Variants in HCRTR2 observed in about 807,000 individuals in gnomAD.
HCRTR2 encodes hypocretin receptor 2.
A neutral mutation model predicts 49.0 loss-of-function variants in HCRTR2; 22 were observed. The observed-to-expected ratio is 0.45, with a 90% CI of 0.32 to 0.64. The LOEUF (loss-of-function observed/expected upper bound fraction) is 0.64, where lower values mean the gene tolerates loss of function less well. HCRTR2 is among the 30% of genes least tolerant of loss of function. The pLI, the probability that HCRTR2 is intolerant of heterozygous loss-of-function variation, is 0.04. For missense variants in HCRTR2, 491 were observed against 559.4 expected (o/e 0.88, Z 1.23); for synonymous variants, 236 against 205.3 (o/e 1.15, Z -1.28).
At chr6:55,255,732 G>A (rs909913537) in intron 3 of HCRTR2, among the ~76,000 whole-genome samples, 1 of 152,078 alleles carries the variant, frequency 6.6e-6, no homozygotes, top group East Asian at 1.9e-4. Context: ...AATGATCCAC[G>A]ATTTATAAGA....
At chr6:55,271,542 T>C (rs185760025) in intron 4 of HCRTR2, among the ~76,000 whole-genome samples, 3 of 152,094 alleles carry the variant, frequency 2.0e-5, no homozygotes, top group African/African-American at 7.2e-5. Flanking sequence ...TTAGACATTA[T>C]CAAAACAAAA....
At chr6:55,185,360 T>G (rs1393281400) in intron 1 of HCRTR2, among the ~76,000 whole-genome samples, 11 of 152,134 alleles carry the variant, frequency 7.2e-5, no homozygotes, top group Non-Finnish European at 1.6e-4. Context: ...TTCCTGAAAA[T>G]CAGTAAGATT....
chr6:55,251,455 C>T (rs913206616), intron 2 of HCRTR2, among the ~76,000 whole-genome samples: 50 of 151,984 alleles, frequency 3.3e-4, no homozygotes, highest in South Asian at 4.1e-4. Flanking sequence ...ATTTGCTGAA[C>T]AATTATCATG....
intron 6 of HCRTR2, among the ~76,000 whole-genome samples, chr6:55,280,862 G>A (rs1054531215): frequency 2.0e-5 from 3 of 152,008 alleles, no homozygotes; most frequent in African/African-American, 4.8e-5. Flanking sequence ...CTATATTTAC[G>A]TTTCTCTTGT....
intron 1 of HCRTR2, among the ~76,000 whole-genome samples, chr6:55,162,517 G>T (rs1764821188): frequency 6.6e-6 from 1 of 152,130 alleles, no homozygotes; most frequent in South Asian, 2.1e-4. Context: ...GAAATAGAAG[G>T]TATTCAAATA....
At chr6:55,167,286 A>G (rs1169665649) in intron 1 of HCRTR2, among the ~76,000 whole-genome samples, 4 of 152,180 alleles carry the variant, frequency 2.6e-5, no homozygotes, top group Admixed American at 2.0e-4. Flanking sequence ...GAGTAAAAGC[A>G]TGTCACATTG....
At chr6:55,184,092 T>A (rs1431544959) in intron 1 of HCRTR2, among the ~76,000 whole-genome samples, 1 of 152,096 alleles carries the variant, frequency 6.6e-6, no homozygotes, top group Non-Finnish European at 1.5e-5. Context: ...CACGAGCAGC[T>A]AATTTTTTGA....
At chr6:55,273,381 G>A (rs1767012056) in intron 4 of HCRTR2, among the ~76,000 whole-genome samples, 1 of 152,182 alleles carries the variant, frequency 6.6e-6, no homozygotes, top group East Asian at 1.9e-4. Context: ...TTAGCACTTA[G>A]CAAATGGAGC....
At chr6:55,202,456 G>A (rs1581826444) in intron 1 of HCRTR2, among the ~76,000 whole-genome samples, 1 of 152,178 alleles carries the variant, frequency 6.6e-6, no homozygotes, top group Non-Finnish European at 1.5e-5. Context: ...GTCTTAATCA[G>A]TTTGGGCTGC....
chr6:55,108,406 G>GAGACA (rs1322193959), intron 1 of HCRTR2, among the ~76,000 whole-genome samples: 3 of 152,058 alleles, frequency 2.0e-5, no homozygotes, highest in African/African-American at 7.2e-5. Flanking sequence ...CAAACTCCGA[G>GAGACA]AGACAGCTGA....
At chr6:55,179,259 G>A (rs1159507400) in intron 1 of HCRTR2, among the ~76,000 whole-genome samples, 2 of 152,012 alleles carry the variant, frequency 1.3e-5, no homozygotes, top group African/African-American at 4.8e-5. Context: ...AAGCAAAAAG[G>A]GGTTATTTCT....
intron 1 of HCRTR2, among the ~76,000 whole-genome samples, chr6:55,124,356 C>T (rs1358344247): frequency 6.6e-6 from 1 of 152,118 alleles, no homozygotes; most frequent in Non-Finnish European, 1.5e-5. Flanking sequence ...TTATTTCTGC[C>T]TTCACTTTGT....
intron 6 of HCRTR2, 121 bp downstream of exon 6, chr6:55,280,565 G>T (rs2127334270): frequency 7.5e-7 from 1 of 1,329,156 alleles, no homozygotes; most frequent in East Asian, 2.5e-5. Context: ...TCCCTGACCT[G>T]ATTTATCTTG....
chr6:55,277,638 C>A, intron 5 of HCRTR2, 38 bp downstream of exon 5: 2 of 1,438,386 alleles, frequency 1.4e-6, no homozygotes, highest in African/African-American at 1.4e-5. Context: ...AAATAGCCTG[C>A]CTTTTCTTGA....
intron 1 of HCRTR2, among the ~76,000 whole-genome samples, chr6:55,167,174 G>T (rs919111673): frequency 1.3e-5 from 2 of 151,986 alleles, no homozygotes; most frequent in African/African-American, 4.8e-5. Flanking sequence ...ACCTCAATTA[G>T]AAAAGAAAAA....
intron 1 of HCRTR2, among the ~76,000 whole-genome samples, chr6:55,123,531 T>C (rs1480375105): frequency 3.3e-5 from 5 of 152,176 alleles, no homozygotes; most frequent in African/African-American, 1.2e-4. Context: ...CATTTGCCAG[T>C]ATTTTATTGA....
intron 1 of HCRTR2, among the ~76,000 whole-genome samples, chr6:55,222,880 A>C (rs916684706): frequency 6.6e-6 from 1 of 152,194 alleles, no homozygotes; most frequent in South Asian, 2.1e-4. Flanking sequence ...GCATATAATG[A>C]ACAATATTGT....
chr6:55,259,771 T>C (rs1160127018), intron 3 of HCRTR2, among the ~76,000 whole-genome samples: 2 of 152,094 alleles, frequency 1.3e-5, no homozygotes, highest in Non-Finnish European at 2.9e-5. Context: ...GTAATGCTTA[T>C]GTGAAACAAA....
intron 1 of HCRTR2, among the ~76,000 whole-genome samples, chr6:55,159,167 G>T (rs1764770950): frequency 6.6e-6 from 1 of 152,106 alleles, no homozygotes; most frequent in South Asian, 2.1e-4. Flanking sequence ...GGCAAATAGG[G>T]TCTGACGTTG....
Sources: gnomAD v4.1 joint callset for allele counts (sites outside exome capture counted in the v4.1 genomes callset) on GRCh38, gnomAD v4.1.1 for gene constraint, MANE v1.5 for transcripts, NCBI Gene and HGNC (gene_info 2026-07-23, HGNC 2026-07-21) for gene names.